The following SI variants were observed in gnomAD, a reference collection of about 807,000 sequenced individuals.
The protein encoded by SI is sucrase-isomaltase, intestinal.
A neutral mutation model predicts 253.3 loss-of-function variants in SI; 235 were observed. The ratio of observed to expected loss-of-function variants is 0.93; its 90% CI spans 0.83 to 1.03. The LOEUF is 1.03. Ranked by LOEUF, SI falls within the 50% of genes least tolerant of loss-of-function variation. The pLI, the probability that SI is intolerant of heterozygous loss-of-function variation, is 0.00. For missense variants in SI, 2,442 were observed against 2,211.1 expected (o/e 1.10, Z -2.09); for synonymous variants, 819 against 712.0 (o/e 1.15, Z -2.39).
intron 3 of SI, among the ~76,000 whole-genome samples, chr3:165,073,130 A>G (rs190031787): frequency 6.6e-6 from 1 of 151,762 alleles, no homozygotes; most frequent in African/African-American, 2.4e-5. Context: ...TTCAAAACCC[A>G]TATTGTTCCT....
chr3:165,023,109 A>G (rs944413520), intron 26 of SI, among the ~76,000 whole-genome samples: 1 of 151,576 alleles, frequency 6.6e-6, no homozygotes, highest in African/African-American at 2.4e-5. Context: ...TTGATATTTT[A>G]AATTTCTAAT....
In SI at chr3:165,059,155, A is replaced by G. The variant is rs1251321672; in HGVS notation, c.1278+13T>C. On this transcript the variant is annotated intron_variant, in intron 11 of 47. Transcript: ENST00000264382. Reference sequence around the variant, plus strand: ...AAACACTAAAAATGTATTAAGGTATAATTGATTATTACCAAGATGATGACA... The same window carrying G: ...AAACACTAAAAATGTATTAAGGTATGATTGATTATTACCAAGATGATGACA... The G allele has an allele frequency of 1.9e-6, 3 of 1,612,158 alleles. No individual in the cohort carries two copies. The highest frequency in any genetic ancestry group is 1.7e-6 in the Non-Finnish European group (2 of 1,178,914).
intron 12 of SI, among the ~76,000 whole-genome samples, chr3:165,057,588 G>A (rs1299099493): frequency 6.6e-6 from 1 of 151,712 alleles, no homozygotes; most frequent in Non-Finnish European, 1.5e-5. Context: ...AAAAGCAGCA[G>A]GATAAAGGAG....
chr3:165,036,469 T>A lies in SI; in HGVS notation c.2435A>T (p.Asn812Ile), dbSNP rs2108211705. ...PDVTTTASRK[N>I]PLGLIVALGE... ...TAATGCGACTATAAGTCCTAGAGGA[T>A]TCTTACGGCTGTTAAGAAAAATTAG... Residue 812 changes from asparagine to isoleucine, a missense_variant, in exon 22 of 48, where the codon AAT becomes ATT. Physicochemically the swap from Asn to Ile is moderately radical, Grantham distance 149. Coordinates refer to ENST00000264382, the MANE Select transcript of SI (RefSeq NM_001041.4). The A allele has an allele frequency of 6.2e-7, 1 of 1,610,246 alleles. No individual in the cohort carries two copies.
upstream of SI, among the ~76,000 whole-genome samples, chr3:165,079,870 A>G (rs1442716878): frequency 2.6e-5 from 4 of 151,890 alleles, no homozygotes; most frequent in Non-Finnish European, 5.9e-5. Context: ...TGAAAAAGTT[A>G]AAGATTTTAA....
chr3:165,066,767 A>G (rs1714269217), intron 6 of SI, among the ~76,000 whole-genome samples: 1 of 151,988 alleles, frequency 6.6e-6, no homozygotes, highest in African/African-American at 2.4e-5. Flanking sequence ...ACTAAGATAC[A>G]TTTAATAAGA....
rs776058923 is a variant in SI, at chr3:165,058,993, C to T, written c.1368G>A (p.Glu456=). 16 of 1,611,654 alleles carry T rather than the reference C, an allele frequency of 9.9e-6. No homozygotes were observed. Among genetic ancestry groups the T allele is most frequent in the African/African-American group, 5.3e-5 (4 of 74,812 alleles). Residue 456 remains glutamate (E), a synonymous_variant, in exon 12 of 48, where the codon GAG becomes GAA. Coordinates refer to ENST00000264382, the MANE Select transcript of SI (RefSeq NM_001041.4). The part of the protein sequence containing the change: ...RGNTQHVWIN[E]SDGSTPIIGE... Reference sequence around the variant, plus strand: ...CAATAATTGGTGTACTTCCATCTGACTCATTTATCCACACATGTTGTGTGT... The same window carrying T: ...CAATAATTGGTGTACTTCCATCTGATTCATTTATCCACACATGTTGTGTGT...
At chr3:165,051,805 C>T (rs1255371267) in intron 13 of SI, among the ~76,000 whole-genome samples, 1 of 151,682 alleles carries the variant, frequency 6.6e-6, no homozygotes, top group East Asian at 1.9e-4. Flanking sequence ...TGAAAGTAAA[C>T]ATTATTATGT....
chr3:165,049,647 T>C (rs958343355), intron 14 of SI, 144 bp downstream of exon 14: 18 of 618,596 alleles, frequency 2.9e-5, no homozygotes, highest in Admixed American at 5.7e-5. Context: ...AAAATATTTG[T>C]CTGAAGAAAA....
chr3:165,004,813 G>A (rs1036988090), intron 37 of SI, among the ~76,000 whole-genome samples: 4 of 152,254 alleles, frequency 2.6e-5, no homozygotes, highest in Middle Eastern at 3.4e-3. Flanking sequence ...GAAGGGTTGT[G>A]TGGGGGTGAG....
At chr3:165,033,528 AT>A in intron 22 of SI, 84 bp from the exon 23 acceptor site, 1 of 1,257,256 alleles carries the variant, frequency 8.0e-7, no homozygotes, top group Non-Finnish European at 1.0e-6. Flanking sequence ...CACTTAAGAA[AT>A]TTGAACAAAC....
chr3:165,006,925 A>G lies in SI; in HGVS notation c.4297T>C (p.Phe1433Leu). ...TCAGCTTCCATGCAAATTGTTCTGAAATGTAATCCATCAGTTCTTTTTGTG... is the reference window on the plus strand; with the variant it reads ...TCAGCTTCCATGCAAATTGTTCTGAGATGTAATCCATCAGTTCTTTTTGTG... The part of the protein sequence containing the change: ...ELTKRTDGLH[F>L]RTICMEAEQI... Residue 1433 changes from phenylalanine (F) to leucine (L), a missense_variant, in exon 37 of 48, where the codon TTC becomes CTC. Phe to Leu is a conservative substitution (Grantham distance 22). Transcript: ENST00000264382. 1 of 1,611,712 alleles carries G rather than the reference A, an allele frequency of 6.2e-7. No individual in the cohort carries two copies.
intron 44 of SI, among the ~76,000 whole-genome samples, chr3:164,988,638 C>A (rs1362330192): frequency 6.6e-6 from 1 of 151,990 alleles, no homozygotes; most frequent in Non-Finnish European, 1.5e-5. Flanking sequence ...TCTGTTCATG[C>A]CAACAGGGGC....
chr3:165,002,955 C>T (rs1348326352), intron 37 of SI, among the ~76,000 whole-genome samples: 1 of 151,642 alleles, frequency 6.6e-6, no homozygotes, highest in Non-Finnish European at 1.5e-5. Flanking sequence ...ATTTCATTTT[C>T]AAGGATATTC....
At chr3:165,067,525 T>G in intron 5 of SI, 34 bp from the exon 6 acceptor site, 1 of 1,529,052 alleles carries the variant, frequency 6.5e-7, no homozygotes, top group African/African-American at 1.4e-5. Flanking sequence ...CATTACTGGA[T>G]TCTAAACTAT....
At chr3:165,051,249 G>A (rs567673168) in intron 13 of SI, among the ~76,000 whole-genome samples, 1 of 152,048 alleles carries the variant, frequency 6.6e-6, no homozygotes, top group East Asian at 1.9e-4. Context: ...AGAAGCTAAG[G>A]AAATTTGATA....
chr3:165,031,134 A>T (rs1435306232), intron 24 of SI, among the ~76,000 whole-genome samples: 1 of 149,592 alleles, frequency 6.7e-6, no homozygotes. Context: ...AATTATGTCT[A>T]TAATTGGGAT....
chr3:165,064,145 A>G (rs1364585756), intron 7 of SI, among the ~76,000 whole-genome samples: 1 of 152,036 alleles, frequency 6.6e-6, no homozygotes, highest in East Asian at 1.9e-4. Flanking sequence ...TGGCATGTTT[A>G]TCAGTTAGGC....
At chr3:165,008,632 T>C (rs1460570200) in intron 35 of SI, among the ~76,000 whole-genome samples, 2 of 152,078 alleles carry the variant, frequency 1.3e-5, no homozygotes, top group South Asian at 2.1e-4. Flanking sequence ...AAACAAAATA[T>C]ATGCTTTATA....
Sources: allele counts gnomAD v4.1 joint callset (sites outside exome capture counted in the v4.1 genomes callset), GRCh38; gene constraint gnomAD v4.1.1; transcripts MANE v1.5; gene names NCBI Gene and HGNC (gene_info 2026-07-23, HGNC 2026-07-21).